Variants in FER1L6 observed in about 807,000 individuals in gnomAD.
FER1L6 encodes fer-1 like family member 6.
A neutral mutation model predicts 219.2 loss-of-function variants in FER1L6; 177 were observed. The ratio of observed to expected loss-of-function variants is 0.81; its 90% confidence interval spans 0.71 to 0.91. FER1L6 has a LOEUF of 0.91. Among genes scored for constraint, FER1L6 ranks in the 40% least tolerant of loss-of-function variants. The probability of loss-of-function intolerance (pLI) is 0.00; values close to 1 mark genes in which losing one functional copy is unlikely to be tolerated. For synonymous variants in FER1L6, 768 were observed against 824.3 expected (o/e 0.93, Z 1.17); for missense variants, 2,153 against 2,259.9 (o/e 0.95, Z 0.96).
intron 6 of FER1L6, 113 bp downstream of exon 6, chr8:123,970,210 G>C: frequency 1.1e-6 from 1 of 948,042 alleles, no homozygotes; most frequent in African/African-American, 1.6e-5. Context: ...AGGAGGGCAA[G>C]TGTCAGTTGG....
chr8:124,094,769 G>A, intron 34 of FER1L6, 127 bp from the exon 35 acceptor site: 1 of 1,065,716 alleles, frequency 9.4e-7, no homozygotes. Flanking sequence ...TTACAGGTGT[G>A]AACCACTGCA....
At chr8:123,876,568 C>G (rs1194532439) in intron 1 of FER1L6, among the ~76,000 whole-genome samples, 1 of 152,142 alleles carries the variant, frequency 6.6e-6, no homozygotes, top group Non-Finnish European at 1.5e-5. Flanking sequence ...TCAAGCAATC[C>G]TCTCCCTTTG....
At chr8:123,866,166 C>T (rs1816835436) in intron 1 of FER1L6, among the ~76,000 whole-genome samples, 1 of 152,038 alleles carries the variant, frequency 6.6e-6, no homozygotes, top group Non-Finnish European at 1.5e-5. Flanking sequence ...TTAGATTCCA[C>T]ATATAGGTGA....
In FER1L6 at chr8:123,975,975, G is replaced by T. The variant is rs370094800; in HGVS notation, c.761G>T (p.Gly254Val). 1.9e-6 allele frequency: 3 copies of T among 1,614,042 alleles called. No homozygotes were observed. Among genetic ancestry groups the T allele is most frequent in the Non-Finnish European group, 2.5e-6 (3 of 1,179,962 alleles). The change falls in exon 9 of 41, where the codon GGG (glycine) becomes GTG (valine). Residue 254 changes from glycine to valine, a missense_variant. Coordinates refer to ENST00000522917, the MANE Select transcript of FER1L6 (RefSeq NM_001039112.2). Reference sequence around the variant, plus strand: ...TATGTGAGACTCTACAAAGCAGAAGGGTTGCCCAAAATGAATTCAAGCATC... The same window carrying T: ...TATGTGAGACTCTACAAAGCAGAAGTGTTGCCCAAAATGAATTCAAGCATC... ...RFYVRLYKAE[G>V]LPKMNSSIMA... is the part of the protein sequence containing the mutation.
intron 1 of FER1L6, among the ~76,000 whole-genome samples, chr8:123,933,634 A>T (rs1426975424): frequency 6.6e-6 from 1 of 152,214 alleles, no homozygotes; most frequent in Non-Finnish European, 1.5e-5. Context: ...TTAGAATATC[A>T]GTTTCTTATT....
intron 1 of FER1L6, among the ~76,000 whole-genome samples, chr8:123,855,294 A>G (rs1194586531): frequency 6.6e-6 from 1 of 152,156 alleles, no homozygotes; most frequent in African/African-American, 2.4e-5. Flanking sequence ...AGGTGGCCAC[A>G]AAACCACAAA....
chr8:124,080,822 T>C (rs1348665806), intron 32 of FER1L6, among the ~76,000 whole-genome samples: 1 of 152,172 alleles, frequency 6.6e-6, no homozygotes, highest in African/African-American at 2.4e-5. Context: ...GTGATGCACC[T>C]GCAGAGTATC....
At chr8:124,113,080 C>T (rs74370433) in intron 39 of FER1L6, among the ~76,000 whole-genome samples, 2,184 of 152,152 alleles carry the variant, frequency 0.014, 49 homozygotes, top group African/African-American at 0.05. Context: ...TTGTTCCACT[C>T]AGTTTTCTAA....
At chr8:123,922,785 T>C (rs1813409607) in intron 1 of FER1L6, among the ~76,000 whole-genome samples, 1 of 152,156 alleles carries the variant, frequency 6.6e-6, no homozygotes, top group Non-Finnish European at 1.5e-5. Flanking sequence ...ATGGCACACC[T>C]TTTTTCTCCT....
chr8:123,977,361 T>C (rs1816127205), intron 9 of FER1L6, 56 bp from the exon 10 acceptor site: 1 of 1,532,134 alleles, frequency 6.5e-7, no homozygotes, highest in African/African-American at 1.4e-5. Flanking sequence ...CTTGAAGAGT[T>C]TTCTGTAGTC....
At chr8:124,073,925 T>C (rs1821177402) in intron 31 of FER1L6, among the ~76,000 whole-genome samples, 1 of 152,214 alleles carries the variant, frequency 6.6e-6, no homozygotes, top group Non-Finnish European at 1.5e-5. Flanking sequence ...TTGCATTGTG[T>C]TTCTTCCCAA....
Position 124,101,367 on chromosome 8 carries a change from T to C in FER1L6, c.5125+29T>C, listed in dbSNP as rs201253966. On this transcript the variant is annotated intron_variant, in intron 38 of 40. Coordinates refer to ENST00000522917, the MANE Select transcript of FER1L6 (RefSeq NM_001039112.2). ...AGCCAGTGGCTTCATCAAGCACATA[T>C]TAATGTTAAGGGTTTTGTCTCAGCT... is the stretch of plus-strand genomic sequence containing the variant. 9 of 1,600,116 alleles carry C rather than the reference T, an allele frequency of 5.6e-6. No individual in the cohort carries two copies. In the East Asian group the frequency reaches 1.6e-4, roughly 28 times the overall value.
intron 35 of FER1L6, 21 bp from the exon 36 acceptor site, chr8:124,097,250 G>C: frequency 6.3e-7 from 1 of 1,596,198 alleles, no homozygotes; most frequent in Non-Finnish European, 8.6e-7. Context: ...AGCTAAAGAA[G>C]ATATTTTTTT....
At chr8:123,910,228 C>A (rs1480284730) in intron 1 of FER1L6, among the ~76,000 whole-genome samples, 1 of 152,154 alleles carries the variant, frequency 6.6e-6, no homozygotes, top group Non-Finnish European at 1.5e-5. Context: ...AAAGACTATT[C>A]AAACAGTAAT....
At chr8:123,910,508 C>T (rs1370890649) in intron 1 of FER1L6, among the ~76,000 whole-genome samples, 3 of 152,190 alleles carry the variant, frequency 2.0e-5, no homozygotes, top group Non-Finnish European at 4.4e-5. Context: ...GATAACTTAA[C>T]ATTCTTTTTG....
chr8:124,013,652 A>G (rs1338857058), intron 15 of FER1L6, 121 bp downstream of exon 15: 11 of 504,530 alleles, frequency 2.2e-5, no homozygotes, highest in Admixed American at 3.9e-5. Context: ...TGCTGTATCC[A>G]TCTTAATTTT....
Position 123,993,406 on chromosome 8 carries a change from C to A in FER1L6, c.1519+7230C>A, listed in dbSNP as rs568335609. Among the ~76,000 whole-genome samples, 3 of 145,860 alleles carry A rather than the reference C, an allele frequency of 2.1e-5. No individual in the cohort carries two copies. The South Asian group carries it at 6.6e-4, about 32-fold the overall frequency. On this transcript the variant is annotated intron_variant, in intron 12 of 40. Transcript: ENST00000522917. The stretch of plus-strand genomic sequence containing the variant: ...GCAGTGAGCCGAGATCCCGCCACTG[C>A]ACTCCAGCCTGGGCGACAGAGCGAG...
At chr8:124,047,649 C>G (rs564446931) in intron 21 of FER1L6, 1 of 152,294 alleles carries the variant, frequency 6.6e-6, no homozygotes, top group East Asian at 1.9e-4. Flanking sequence ...TGGCCCAACC[C>G]TAAGTCAAGC....
At chr8:123,864,666 G>A (rs1355879132) in intron 1 of FER1L6, among the ~76,000 whole-genome samples, 4 of 149,138 alleles carry the variant, frequency 2.7e-5, no homozygotes, top group Non-Finnish European at 5.9e-5. Flanking sequence ...ATTTCTTGGA[G>A]GCTTTGCTCA....
Sources: allele counts gnomAD v4.1 joint callset (sites outside exome capture counted in the v4.1 genomes callset), GRCh38; gene constraint gnomAD v4.1.1; transcripts MANE v1.5; gene names NCBI Gene and HGNC (gene_info 2026-07-23, HGNC 2026-07-21).